SIPA1L2: variants seen among roughly 807,000 people sequenced by gnomAD.
SIPA1L2 encodes the protein signal-induced proliferation-associated 1-like protein 2.
Under a neutral mutation model 163.9 loss-of-function variants are expected in SIPA1L2, and 56 were observed. The ratio of observed to expected loss-of-function variants is 0.34; its 90% CI spans 0.28 to 0.43. SIPA1L2 has a LOEUF of 0.43. SIPA1L2 is among the 20% of genes least tolerant of loss of function. SIPA1L2 has a pLI of 1.00. For missense variants in SIPA1L2, 1,974 were observed against 2,193.5 expected, an observed-to-expected ratio of 0.90 and a Z score of 2.00; for synonymous variants, 877 against 865.7, an observed-to-expected ratio of 1.01 and a Z score of -0.23.
At chr1:232,403,259 A>G (rs1660449871) in intron 21 of SIPA1L2, among the ~76,000 whole-genome samples, 189 bp downstream of exon 21, 1 of 152,230 alleles carries the variant, frequency 6.6e-6, no homozygotes, top group South Asian at 2.1e-4. Context: ...CATGCAGCCA[A>G]GAGCGGTCTC....
At chr1:232,482,297 C>T (rs1665400460) in intron 6 of SIPA1L2, among the ~76,000 whole-genome samples, 1 of 152,108 alleles carries the variant, frequency 6.6e-6, no homozygotes, top group Non-Finnish European at 1.5e-5. Context: ...TAAATGTTTT[C>T]TCAGTCCAAT....
At chr1:232,518,422 G>A (rs989446558) in intron 2 of SIPA1L2, among the ~76,000 whole-genome samples, 7 of 152,164 alleles carry the variant, frequency 4.6e-5, no homozygotes, top group Middle Eastern at 6.8e-3. Flanking sequence ...GATGCAGCCC[G>A]GATCCCATCT....
intron 1 of SIPA1L2, among the ~76,000 whole-genome samples, chr1:232,616,551 A>C (rs905963125): frequency 6.6e-6 from 1 of 152,210 alleles, no homozygotes; most frequent in Non-Finnish European, 1.5e-5. Context: ...GCTGGGCCCT[A>C]TGGTGGCAGA....
chr1:232,531,558 T>C lies in SIPA1L2; in HGVS notation c.-269-15950A>G, dbSNP rs1656942131. 2.0e-5 allele frequency among the ~76,000 whole-genome samples: 3 copies of C among 152,180 alleles called. No homozygotes were observed. In the South Asian group the frequency reaches 6.2e-4, roughly 32 times the overall value. On this transcript the variant is annotated intron_variant, in intron 2 of 22. Transcript: ENST00000674635. ...CCAGGTACTAGTCTAGGATCAAAGATGCAGTAATGAAAGGCCCTGGAAAAG... is the reference window on the plus strand; with the variant it reads ...CCAGGTACTAGTCTAGGATCAAAGACGCAGTAATGAAAGGCCCTGGAAAAG...
chr1:232,424,768 G>A (rs1661787244), intron 18 of SIPA1L2, among the ~76,000 whole-genome samples: 1 of 152,124 alleles, frequency 6.6e-6, no homozygotes, highest in Non-Finnish European at 1.5e-5. Flanking sequence ...CATTTAGCCT[G>A]GGACTTCTAA....
At chr1:232,457,006 A>C (rs1371674972) in intron 10 of SIPA1L2, among the ~76,000 whole-genome samples, 2 of 152,174 alleles carry the variant, frequency 1.3e-5, no homozygotes, top group Non-Finnish European at 2.9e-5. Context: ...AAAACTAAAA[A>C]TGGCTCTGAC....
At chr1:232,607,109 T>G (rs1279621622) in intron 1 of SIPA1L2, among the ~76,000 whole-genome samples, 3 of 152,138 alleles carry the variant, frequency 2.0e-5, no homozygotes, top group African/African-American at 7.2e-5. Context: ...TAACAGCATG[T>G]TTTTTCCTAT....
chr1:232,434,838 G>A (rs1271386781), intron 15 of SIPA1L2, among the ~76,000 whole-genome samples: 1 of 151,810 alleles, frequency 6.6e-6, no homozygotes, highest in African/African-American at 2.4e-5. Context: ...TTAGCTGCAA[G>A]CCTAAAGACA....
intron 2 of SIPA1L2, among the ~76,000 whole-genome samples, chr1:232,562,896 C>A (rs996973598): frequency 8.5e-5 from 13 of 152,300 alleles, no homozygotes; most frequent in Admixed American, 4.6e-4. Context: ...TAAAAATTAG[C>A]CACCTAACAA....
At position 232,433,644 on chromosome 1, in the gene SIPA1L2, A is replaced by G. The variant is rs575127429; in HGVS notation, c.4032-1173T>C. ...CTACCCACCCCCGGCTGACTGAGAA[A>G]TTAAGTGGACAGTTAACCACCACCA... is the stretch of plus-strand genomic sequence containing the variant. On this transcript the variant is annotated intron_variant, in intron 15 of 22. Coordinates refer to ENST00000674635, the MANE Select transcript of SIPA1L2 (RefSeq NM_020808.5). 1.6e-4 allele frequency among the ~76,000 whole-genome samples: 25 copies of G among 152,374 alleles called. 1 individual carries two copies. In the East Asian group the frequency reaches 4.6e-3, roughly 28 times the overall value.
At chr1:232,550,524 T>C (rs1013075461) in intron 2 of SIPA1L2, among the ~76,000 whole-genome samples, 1 of 152,302 alleles carries the variant, frequency 6.6e-6, no homozygotes, top group East Asian at 1.9e-4. Flanking sequence ...TAAACACCAT[T>C]ACACAAATCA....
chr1:232,414,187 T>C (rs1033079464), intron 19 of SIPA1L2, among the ~76,000 whole-genome samples: 2 of 152,202 alleles, frequency 1.3e-5, no homozygotes, highest in Admixed American at 6.5e-5. Flanking sequence ...TCCTTCCATT[T>C]AGGGAGCAGT....
chr1:232,569,229 G>A (rs1437376662), intron 2 of SIPA1L2, among the ~76,000 whole-genome samples: 3 of 152,146 alleles, frequency 2.0e-5, no homozygotes, highest in Non-Finnish European at 2.9e-5. Context: ...TACCCACCCT[G>A]ACATTCAGAT....
intron 14 of SIPA1L2, 142 bp downstream of exon 14, chr1:232,441,149 G>T (rs1452415044): frequency 3.2e-6 from 2 of 622,500 alleles, no homozygotes; most frequent in Non-Finnish European, 5.3e-6. Context: ...CAGGAAGATA[G>T]TTTCCTTTTT....
intron 1 of SIPA1L2, among the ~76,000 whole-genome samples, chr1:232,624,984 C>T (rs1319709788): frequency 6.6e-6 from 1 of 152,148 alleles, no homozygotes; most frequent in Non-Finnish European, 1.5e-5. Flanking sequence ...ACAGTGTGAC[C>T]CTAGTGTCTC....
chr1:232,552,550 T>C (rs1372818702), intron 2 of SIPA1L2, among the ~76,000 whole-genome samples: 1 of 151,984 alleles, frequency 6.6e-6, no homozygotes, highest in African/African-American at 2.4e-5. Context: ...TTGTATTTTT[T>C]GTAGAGCTGG....
chr1:232,436,436 G>C (rs997753630), intron 15 of SIPA1L2, among the ~76,000 whole-genome samples: 1 of 152,198 alleles, frequency 6.6e-6, no homozygotes, highest in Non-Finnish European at 1.5e-5. Flanking sequence ...GGAGGCAGAA[G>C]TGTGGGTTTA....
At position 232,534,149 on chromosome 1, in the gene SIPA1L2, T is replaced by C. The variant is rs189742606; in HGVS notation, c.-269-18541A>G. Reference sequence around the variant, plus strand: ...TTCTGAATATAAAACTTATTACAAATCTACAGTAATCAAAACACTGTGGCA... The same window carrying C: ...TTCTGAATATAAAACTTATTACAAACCTACAGTAATCAAAACACTGTGGCA... On this transcript the variant is annotated intron_variant, in intron 2 of 22. Coordinates refer to ENST00000674635, the MANE Select transcript of SIPA1L2 (RefSeq NM_020808.5). Among the ~76,000 whole-genome samples the C allele has an allele frequency of 2.3e-3, 345 of 151,722 alleles. 1 individual carries two copies. The highest frequency in any genetic ancestry group is 7.9e-3 in the African/African-American group (328 of 41,366).
At chr1:232,497,992 T>C (rs1300023547) in intron 3 of SIPA1L2, among the ~76,000 whole-genome samples, 1 of 152,186 alleles carries the variant, frequency 6.6e-6, no homozygotes, top group Non-Finnish European at 1.5e-5. Flanking sequence ...CTGCCTGGAA[T>C]GTCTTCCACT....
Sources: allele counts gnomAD v4.1 joint callset (sites outside exome capture counted in the v4.1 genomes callset), GRCh38; gene constraint gnomAD v4.1.1; transcripts MANE v1.5; gene names NCBI Gene and HGNC (gene_info 2026-07-23, HGNC 2026-07-21).